TUSC3: variants seen among roughly 807,000 people sequenced by gnomAD.
TUSC3 encodes the protein tumor suppressor candidate 3.
TUSC3 carries 45 observed loss-of-function variants against 44.8 expected under a neutral mutation model. That is an observed-to-expected ratio of 1.00 (90% confidence interval 0.79 to 1.29). The LOEUF is 1.29. Ranked by LOEUF, TUSC3 falls within the 50% of genes most tolerant of loss-of-function variation. The pLI is 0.00. For missense variants in TUSC3, 519 were observed against 437.9 expected (o/e 1.19, Z -1.65); for synonymous variants, 212 against 152.9 (o/e 1.39, Z -2.85).
At chr8:15,702,573 A>T (rs994002068) in intron 6 of TUSC3, among the ~76,000 whole-genome samples, 4 of 151,988 alleles carry the variant, frequency 2.6e-5, no homozygotes, top group African/African-American at 9.7e-5. Flanking sequence ...CTCTTTCAGC[A>T]GTCATCATGC....
intron 1 of TUSC3, among the ~76,000 whole-genome samples, chr8:15,418,645 G>C (rs1327173447): frequency 6.6e-6 from 1 of 152,180 alleles, no homozygotes; most frequent in Non-Finnish European, 1.5e-5. Flanking sequence ...AGATGAAATT[G>C]AAGTCAACAA....
chr8:15,479,245 C>G (rs1012731400), intron 1 of TUSC3, among the ~76,000 whole-genome samples: 4 of 152,108 alleles, frequency 2.6e-5, no homozygotes, highest in African/African-American at 9.7e-5. Context: ...TCTGTTTACT[C>G]TGATGATAGT....
intron 1 of TUSC3, among the ~76,000 whole-genome samples, chr8:15,584,661 G>A (rs1377561080): frequency 1.3e-5 from 2 of 152,112 alleles, no homozygotes; most frequent in Admixed American, 6.6e-5. Context: ...AGTGTGACAT[G>A]ATGGAGGCTG....
chr8:15,434,223 T>C (rs1364057655), intron 1 of TUSC3, among the ~76,000 whole-genome samples: 1 of 149,188 alleles, frequency 6.7e-6, no homozygotes, highest in African/African-American at 2.5e-5. Flanking sequence ...TTTTATGTAT[T>C]TGCCATTTGT....
At chr8:15,621,323 G>A (rs538120612) in intron 1 of TUSC3, among the ~76,000 whole-genome samples, 150 of 151,300 alleles carry the variant, frequency 9.9e-4, no homozygotes, top group Admixed American at 1.6e-3. Flanking sequence ...ACTATTAAAT[G>A]GTGCTTAACA....
At chr8:15,504,362 C>A (rs1022018098) in intron 2 of TUSC3, among the ~76,000 whole-genome samples, 4 of 151,692 alleles carry the variant, frequency 2.6e-5, no homozygotes, top group African/African-American at 9.7e-5. Flanking sequence ...ATAAATTAGT[C>A]CATTAAACTA....
chr8:15,469,949 T>G (rs1217087495), intron 1 of TUSC3, among the ~76,000 whole-genome samples: 1 of 152,114 alleles, frequency 6.6e-6, no homozygotes, highest in Non-Finnish European at 1.5e-5. Flanking sequence ...GGAAAAATTA[T>G]GAAGACAGTA....
intron 1 of TUSC3, among the ~76,000 whole-genome samples, chr8:15,594,885 G>A (rs1178033593): frequency 6.6e-6 from 1 of 152,066 alleles, no homozygotes. Context: ...GGTTGCCCAC[G>A]GCTCACGGAA....
At chr8:15,794,613 A>ATT in the TUSC3 span, among the ~76,000 whole-genome samples, 1 of 151,922 alleles carries the variant, frequency 6.6e-6, no homozygotes, top group African/African-American at 2.4e-5. Context: ...GAATAACAGG[A>ATT]TTTTTTTTCT....
chr8:15,595,063 GGCT>G (rs1804007017), intron 1 of TUSC3, among the ~76,000 whole-genome samples: 1 of 152,098 alleles, frequency 6.6e-6, no homozygotes, highest in African/African-American at 2.4e-5. Context: ...ACAGAACTTG[GGCT>G]ATTCCCACCA....
intron 2 of TUSC3, among the ~76,000 whole-genome samples, chr8:15,512,868 G>A (rs373052915): frequency 1.7e-4 from 12 of 70,042 alleles, no homozygotes; most frequent in African/African-American, 6.4e-4. Context: ...ATATATATGT[G>A]TGTGTATATA....
intron 3 of TUSC3, among the ~76,000 whole-genome samples, chr8:15,652,718 G>C (rs1007622206): frequency 2.6e-5 from 4 of 152,034 alleles, no homozygotes; most frequent in Non-Finnish European, 4.4e-5. Flanking sequence ...ATTGGCCTTA[G>C]AGATCATCAG....
chr8:15,779,822 C>T, the TUSC3 span, among the ~76,000 whole-genome samples: 1 of 152,128 alleles, frequency 6.6e-6, no homozygotes, highest in African/African-American at 2.4e-5. Context: ...GTAACTCTCA[C>T]CAAACTAGGC....
At chr8:15,762,164 T>C (rs1442519343) in intron 10 of TUSC3, among the ~76,000 whole-genome samples, 1 of 150,310 alleles carries the variant, frequency 6.7e-6, no homozygotes, top group Non-Finnish European at 1.5e-5. Flanking sequence ...ATTTTTGACA[T>C]TTTTGTGCTT....
intron 2 of TUSC3, among the ~76,000 whole-genome samples, chr8:15,483,921 T>C (rs1214167125): frequency 6.6e-6 from 1 of 152,018 alleles, no homozygotes; most frequent in Non-Finnish European, 1.5e-5. Context: ...CCTCCCAAAG[T>C]GCTGGGATTA....
At chr8:15,454,865 C>G (rs1388820687) in intron 1 of TUSC3, among the ~76,000 whole-genome samples, 3 of 152,018 alleles carry the variant, frequency 2.0e-5, no homozygotes, top group African/African-American at 4.8e-5. Flanking sequence ...TGAATATTAC[C>G]TTTTGAGGCA....
chr8:15,714,241 AG>A (rs1349870063), intron 6 of TUSC3, among the ~76,000 whole-genome samples: 1 of 152,196 alleles, frequency 6.6e-6, no homozygotes, highest in Non-Finnish European at 1.5e-5. Flanking sequence ...ACACTTATAA[AG>A]GATTTGAATG....
chr8:15,422,242 A>G (rs1334011285), intron 1 of TUSC3, among the ~76,000 whole-genome samples: 2 of 152,216 alleles, frequency 1.3e-5, no homozygotes, highest in Non-Finnish European at 2.9e-5. Context: ...TATGATATGA[A>G]GTAGTAAGTA....
chr8:15,484,847 G>T lies in TUSC3; in HGVS notation n.189+1364G>T, dbSNP rs183077771. Among the ~76,000 whole-genome samples the T allele has an allele frequency of 1.7e-4, 26 of 152,260 alleles. 2 individuals are homozygous for T. In the East Asian group the frequency reaches 4.6e-3, roughly 27 times the overall value. ...CTTACTATCATTTAAAATATATAGA[G>T]AAATGGAAAACTTCATAAGACTACT... On this transcript the variant is annotated intron_variant and non_coding_transcript_variant, in intron 2 of 5. Transcript: ENST00000503191.
Sources: gnomAD v4.1 joint callset for allele counts (sites outside exome capture counted in the v4.1 genomes callset) on GRCh38, gnomAD v4.1.1 for gene constraint, MANE v1.5 for transcripts, NCBI Gene and HGNC (gene_info 2026-07-23, HGNC 2026-07-21) for gene names.